ARHGAP10: variants seen among roughly 807,000 people sequenced by gnomAD.
The protein encoded by ARHGAP10 is Rho GTPase activating protein 10.
ARHGAP10 carries 87 observed loss-of-function variants against 108.6 expected under a neutral mutation model. The ratio of observed to expected loss-of-function variants is 0.80; its 90% CI spans 0.67 to 0.96. The LOEUF (loss-of-function observed/expected upper bound fraction) is 0.96. Ranked by LOEUF, ARHGAP10 falls within the 40% of genes least tolerant of loss-of-function variation. The pLI, the probability that ARHGAP10 is intolerant of heterozygous loss-of-function variation, is 0.00. For synonymous variants in ARHGAP10, 347 were observed against 341.1 expected (o/e 1.02, Z -0.19); for missense variants, 939 against 954.5 (o/e 0.98, Z 0.21).
Position 147,732,444 on chromosome 4 carries a change from C to T in ARHGAP10, c.143C>T (p.Ala48Val). Residue 48 changes from alanine (A) to valine (V), a missense_variant, in exon 1 of 23, where the codon GCT becomes GTT. Physicochemically the swap from Ala to Val is moderately conservative, Grantham distance 64. Transcript: ENST00000336498. The stretch of plus-strand genomic sequence containing the variant: ...ATTAAGGACGGGAAGAACCTCATCG[C>T]TGCGACGAAAAGTAAGCGGGGACGC... ...ELIKDGKNLI[A>V]ATKSLSVAQR... The T allele has an allele frequency of 6.2e-7, 1 of 1,612,220 alleles. No homozygotes were observed. The highest frequency in any genetic ancestry group is 8.5e-7 in the Non-Finnish European group (1 of 1,179,102).
chr4:147,803,387 A>G (rs184146488), intron 1 of ARHGAP10, among the ~76,000 whole-genome samples: 5 of 152,338 alleles, frequency 3.3e-5, no homozygotes, highest in Non-Finnish European at 7.3e-5. Flanking sequence ...CATGCATACA[A>G]TGTGTAATGA....
chr4:147,884,039 A>G (rs1256986187), intron 10 of ARHGAP10, among the ~76,000 whole-genome samples: 1 of 152,202 alleles, frequency 6.6e-6, no homozygotes, highest in Non-Finnish European at 1.5e-5. Context: ...TCTGCAGATT[A>G]CCATATAATC....
intron 18 of ARHGAP10, among the ~76,000 whole-genome samples, chr4:147,972,156 A>G (rs1341252281): frequency 6.6e-6 from 1 of 152,124 alleles, no homozygotes; most frequent in Non-Finnish European, 1.5e-5. Flanking sequence ...TTATGAGTGA[A>G]TTTAGGGGTA....
intron 13 of ARHGAP10, among the ~76,000 whole-genome samples, chr4:147,938,347 T>C (rs917952666): frequency 3.3e-5 from 5 of 152,106 alleles, no homozygotes; most frequent in African/African-American, 1.2e-4. Flanking sequence ...AACCTGTACA[T>C]GTACCCCTGA....
chr4:147,880,274 A>G (rs932012828), intron 9 of ARHGAP10, among the ~76,000 whole-genome samples: 3 of 152,252 alleles, frequency 2.0e-5, no homozygotes, highest in Non-Finnish European at 4.4e-5. Context: ...TGCTTAGGTG[A>G]ATAAAAAAAG....
chr4:147,904,581 A>G (rs897462902), intron 10 of ARHGAP10, among the ~76,000 whole-genome samples: 3 of 152,280 alleles, frequency 2.0e-5, no homozygotes, highest in South Asian at 2.1e-4. Flanking sequence ...TTATGGCTGC[A>G]TAGTATTCCA....
At chr4:147,961,527 G>T (rs941778119) in intron 16 of ARHGAP10, among the ~76,000 whole-genome samples, 1 of 151,920 alleles carries the variant, frequency 6.6e-6, no homozygotes, top group Non-Finnish European at 1.5e-5. Context: ...AGTATTACAG[G>T]TATTTAACTT....
At position 147,774,965 on chromosome 4, in the gene ARHGAP10, G is replaced by A. The variant is rs534477200; in HGVS notation, c.154+42510G>A. 2.6e-5 allele frequency among the ~76,000 whole-genome samples: 4 copies of A among 151,816 alleles called. No individual in the cohort carries two copies. In the East Asian group the frequency reaches 5.8e-4, roughly 22 times the overall value. ...CTTTTGTCCAGGTTGGAGTGCAGTGGCATGATCTGGGCTCACTGCAACCTC... is the reference window on the plus strand; with the variant it reads ...CTTTTGTCCAGGTTGGAGTGCAGTGACATGATCTGGGCTCACTGCAACCTC... On this transcript the variant is annotated intron_variant, in intron 1 of 22. Transcript: ENST00000336498.
intron 19 of ARHGAP10, among the ~76,000 whole-genome samples, chr4:148,039,488 C>T (rs992572): frequency 0.012 from 1,795 of 144,908 alleles, 45 homozygotes; most frequent in African/African-American, 0.043. Flanking sequence ...TTAGTAAAGA[C>T]GAGGTTTCAC....
At chr4:147,936,169 C>A (rs982362568) in intron 13 of ARHGAP10, among the ~76,000 whole-genome samples, 2 of 152,102 alleles carry the variant, frequency 1.3e-5, no homozygotes, top group Non-Finnish European at 2.9e-5. Flanking sequence ...TCTGGATGTG[C>A]CCTTCTGGCT....
intron 18 of ARHGAP10, among the ~76,000 whole-genome samples, chr4:147,995,431 G>C (rs1740435533): frequency 6.6e-6 from 1 of 152,220 alleles, no homozygotes; most frequent in South Asian, 2.1e-4. Context: ...TCTACTTACA[G>C]TGTGGAGTGT....
At position 148,054,627 on chromosome 4, in the gene ARHGAP10, T is replaced by TA. The variant is rs113276696; in HGVS notation, c.2027+7577dup. Among the ~76,000 whole-genome samples, 315 of 152,328 alleles carry TA rather than the reference T, an allele frequency of 2.1e-3. 1 individual carries two copies. Among genetic ancestry groups the TA allele is most frequent in the African/African-American group, 7.1e-3 (294 of 41,564 alleles). ...CTGAAGTTGTGTTGTTTTTAGCAGT[T>TA]ACTGTATTTATTCCCGGAGGACTCA... is the stretch of plus-strand genomic sequence containing the variant. On this transcript the variant is annotated intron_variant, in intron 20 of 22. Transcript: ENST00000336498.
chr4:148,010,694 A>C (rs1227739561), intron 18 of ARHGAP10, among the ~76,000 whole-genome samples: 2 of 152,202 alleles, frequency 1.3e-5, no homozygotes, highest in Non-Finnish European at 2.9e-5. Context: ...TCTATATATC[A>C]TGACTCTAAT....
chr4:148,009,872 CG>C (rs1741103617), intron 18 of ARHGAP10, among the ~76,000 whole-genome samples: 1 of 152,084 alleles, frequency 6.6e-6, no homozygotes, highest in Admixed American at 6.5e-5. Context: ...GTGTTGGAAG[CG>C]TAGGTGACTT....
intron 20 of ARHGAP10, among the ~76,000 whole-genome samples, chr4:148,058,899 A>G (rs916570932): frequency 1.3e-5 from 2 of 152,194 alleles, no homozygotes; most frequent in Non-Finnish European, 2.9e-5. Context: ...GAGTTTCCTC[A>G]TCCTTTACAC....
chr4:148,023,564 C>CT, intron 19 of ARHGAP10, 151 bp downstream of exon 19: 2 of 939,894 alleles, frequency 2.1e-6, no homozygotes, highest in Non-Finnish European at 2.9e-6. Flanking sequence ...GAGGGTGAAG[C>CT]TTTTTTGTAA....
chr4:147,752,677 G>A (rs1333615809), intron 1 of ARHGAP10, among the ~76,000 whole-genome samples: 1 of 152,056 alleles, frequency 6.6e-6, no homozygotes, highest in African/African-American at 2.4e-5. Flanking sequence ...ACAGGTGTGC[G>A]CCGCCATGCC....
chr4:148,011,062 A>G (rs901914942), intron 18 of ARHGAP10, among the ~76,000 whole-genome samples: 2 of 152,240 alleles, frequency 1.3e-5, no homozygotes, highest in Non-Finnish European at 2.9e-5. Flanking sequence ...ACTCTTCACA[A>G]TTAGATTCAA....
intron 20 of ARHGAP10, among the ~76,000 whole-genome samples, chr4:148,051,370 G>C: frequency 6.6e-6 from 1 of 152,258 alleles, no homozygotes; most frequent in East Asian, 1.9e-4. Context: ...GGTAGTTTTC[G>C]CTAAACAGGT....
Sources: gnomAD v4.1 joint callset for allele counts (sites outside exome capture counted in the v4.1 genomes callset) on GRCh38, gnomAD v4.1.1 for gene constraint, MANE v1.5 for transcripts, NCBI Gene and HGNC (gene_info 2026-07-23, HGNC 2026-07-21) for gene names.